FBN2: variants seen among roughly 807,000 people sequenced by gnomAD.
The protein encoded by FBN2 is fibrillin-2.
In FBN2, 105 loss-of-function variants were observed where a neutral mutation model predicts 355.6. The ratio of observed to expected loss-of-function variants is 0.30; its 90% CI spans 0.25 to 0.35. FBN2 has a LOEUF of 0.35. Among genes scored for constraint, FBN2 ranks in the 10% least tolerant of loss-of-function variants. The pLI is 1.00. For synonymous variants in FBN2, 1,350 were observed against 1,301.2 expected (o/e 1.04, Z -0.81); for missense variants, 3,280 against 3,758.7 (o/e 0.87, Z 3.33).
rs3805650 is a variant in FBN2, at chr5:128,410,273, C to T, written c.953-1474G>A. Among the ~76,000 whole-genome samples the T allele has an allele frequency of 3.7e-4, 57 of 152,226 alleles. No individual in the cohort carries two copies. The East Asian group carries it at 0.01, about 27-fold the overall frequency. On this transcript the variant is annotated intron_variant, in intron 7 of 64. Coordinates refer to ENST00000262464, the MANE Select transcript of FBN2 (RefSeq NM_001999.4). The stretch of plus-strand genomic sequence containing the variant: ...TGTGCAAAATTAGGTCCTGTTGCAT[C>T]CTGTGTTGCTATCTTAGTGCAGTGC...
At chr5:128,473,337 A>G (rs115174178) in intron 5 of FBN2, among the ~76,000 whole-genome samples, 67 of 152,322 alleles carry the variant, frequency 4.4e-4, no homozygotes, top group African/African-American at 1.6e-3. Flanking sequence ...TTGAATTTTG[A>G]CAGCAACTCA....
At position 128,263,654 on chromosome 5, in the gene FBN2, C is replaced by T. The variant is rs753526426; in HGVS notation, c.7963G>A (p.Glu2655Lys). The T allele has an allele frequency of 1.1e-5, 17 of 1,608,850 alleles. No individual in the cohort carries two copies. In the African/African-American group the frequency reaches 2.0e-4, roughly 19 times the overall value. ...GCATTGGGATTGGAGCATTCATTCT[C>T]ATCTAGTGAAACGAAGAAAGAAACT... ...QHYQWNQCVD[E>K]NECSNPNACG... Residue 2655 changes from glutamate (E) to lysine (K), a missense_variant and splice_region_variant, in exon 63 of 65, where the codon GAG becomes AAG. Transcript: ENST00000262464.
chr5:128,360,949 A>G (rs1323699790), intron 19 of FBN2, among the ~76,000 whole-genome samples: 1 of 152,188 alleles, frequency 6.6e-6, no homozygotes, highest in African/African-American at 2.4e-5. Flanking sequence ...CTGTAGGCCC[A>G]CACAGTGAGA....
At position 128,349,418 on chromosome 5, in the gene FBN2, T is replaced by C. The variant is rs2126919826; in HGVS notation, c.2918A>G (p.Asn973Ser). Reference sequence around the variant, plus strand: ...CTCGCAATGAAAAGATCCCTTACTGTTGACACAGCGTCCATTTGGACAAAC... The same window carrying C: ...CTCGCAATGAAAAGATCCCTTACTGCTGACACAGCGTCCATTTGGACAAAC... Reference protein sequence around the residue: ...PGVCPNGRCVNSKGSFHCECP... With the variant: ...PGVCPNGRCVSSKGSFHCECP... The change falls in exon 23 of 65, where the codon AAC (asparagine) becomes AGC (serine). Residue 973 changes from asparagine to serine, a missense_variant. Asn to Ser is a conservative substitution (Grantham distance 46, BLOSUM62 1). Around this residue, in one of 6 missense-constraint regions of FBN2, gnomAD observed 2,284 missense variants for 2,749.5 expected, o/e 0.83. Transcript: ENST00000262464. 2 of 1,614,138 alleles carry C rather than the reference T, an allele frequency of 1.2e-6. No homozygotes were observed. The highest frequency in any genetic ancestry group is 1.7e-6 in the Non-Finnish European group (2 of 1,179,982).
intron 14 of FBN2, among the ~76,000 whole-genome samples, chr5:128,375,709 A>G (rs1007178225): frequency 1.3e-5 from 2 of 152,104 alleles, no homozygotes; most frequent in African/African-American, 4.8e-5. Flanking sequence ...TCATTGATGG[A>G]GTTAATTTTG....
At chr5:128,357,518 C>T in intron 19 of FBN2, 123 bp from the exon 20 acceptor site, 1 of 1,142,454 alleles carries the variant, frequency 8.8e-7, no homozygotes. Context: ...TAATATGGAT[C>T]TATGAAGCAT....
chr5:128,531,067 T>C (rs568753601), intron 2 of FBN2, among the ~76,000 whole-genome samples: 57 of 152,232 alleles, frequency 3.7e-4, no homozygotes, highest in South Asian at 1.9e-3. Context: ...TGCATGTTAA[T>C]AGCAGCACAA....
chr5:128,299,168 C>G (rs991656111), intron 48 of FBN2, among the ~76,000 whole-genome samples: 7 of 151,936 alleles, frequency 4.6e-5, no homozygotes, highest in African/African-American at 1.7e-4. Flanking sequence ...CAGGGACCCA[C>G]TTGAGGAGGC....
At chr5:128,298,124 G>A (rs1424027770) in intron 48 of FBN2, among the ~76,000 whole-genome samples, 3 of 151,370 alleles carry the variant, frequency 2.0e-5, no homozygotes, top group Non-Finnish European at 4.4e-5. Context: ...ATGAAATTCT[G>A]GGTTGAAAAT....
intron 11 of FBN2, among the ~76,000 whole-genome samples, chr5:128,381,589 A>T (rs1251086764): frequency 6.6e-6 from 1 of 152,186 alleles, no homozygotes; most frequent in Non-Finnish European, 1.5e-5. Context: ...AAATTGAATT[A>T]GAGTATAGGA....
At chr5:128,529,039 G>A (rs1756640909) in intron 3 of FBN2, among the ~76,000 whole-genome samples, 1 of 152,232 alleles carries the variant, frequency 6.6e-6, no homozygotes, top group Non-Finnish European at 1.5e-5. Flanking sequence ...CAAGGCAGGA[G>A]GAACTGTGTG....
intron 5 of FBN2, among the ~76,000 whole-genome samples, chr5:128,497,287 G>A (rs1755680505): frequency 6.6e-6 from 1 of 152,160 alleles, no homozygotes; most frequent in Admixed American, 6.5e-5. Context: ...CCATGGATGA[G>A]TACACACCAG....
chr5:128,383,480 G>T (rs919615912), intron 11 of FBN2, among the ~76,000 whole-genome samples: 1 of 151,880 alleles, frequency 6.6e-6, no homozygotes, highest in African/African-American at 2.4e-5. Context: ...AAGCTTCGTC[G>T]GAATTAAAAA....
chr5:128,340,614 T>C (rs1057195494), intron 25 of FBN2, among the ~76,000 whole-genome samples: 1 of 152,184 alleles, frequency 6.6e-6, no homozygotes, highest in South Asian at 2.1e-4. Context: ...GTATAAACAG[T>C]GTGGATTCTA....
At chr5:128,421,747 CAG>C (rs1233182078) in intron 7 of FBN2, among the ~76,000 whole-genome samples, 8 of 152,150 alleles carry the variant, frequency 5.3e-5, no homozygotes, top group African/African-American at 1.9e-4. Flanking sequence ...AAAAGGTAAA[CAG>C]AGTCACCAGT....
In FBN2 at chr5:128,537,649, G is replaced by A; in HGVS notation, c.-46C>T. ...GGCCGTAGACCCGCGGAGAGGGAGT[G>A]ATCAAAGACAAAATCTGCGCGCCTC... On this transcript the variant is annotated 5_prime_UTR_variant, in exon 1 of 65. Transcript: ENST00000262464. 2 of 1,576,994 alleles carry A rather than the reference G, an allele frequency of 1.3e-6. No individual in the cohort carries two copies. The highest frequency in any genetic ancestry group is 8.6e-7 in the Non-Finnish European group (1 of 1,156,728).
At chr5:128,335,103 TTGTGTGTGCATGTGGG>T (rs1561776315) in intron 30 of FBN2, 51 bp downstream of exon 30, 7 of 1,600,648 alleles carry the variant, frequency 4.4e-6, no homozygotes, top group South Asian at 1.1e-5. Context: ...TTTATCACGC[TTGTGTGTGCATGTGGG>T]TGTGTGTGCA....
rs112258148 is a variant in FBN2, at chr5:128,377,603, T to C, written c.1849+149A>G. 0.014 allele frequency: 11,611 copies of C among 856,238 alleles called. 132 individuals are homozygous for C. Among genetic ancestry groups the C allele is most frequent in the African/African-American group, 0.041 (2,427 of 59,304 alleles). 53.0% of individuals were successfully genotyped at this position (856,238 alleles called of 1,614,324 possible). A position where few individuals can be genotyped will look rare whatever the true frequency, so the allele number is the denominator to read the frequency against. On this transcript the variant is annotated intron_variant, in intron 13 of 64. Transcript: ENST00000262464. ...AAAACCTGTCCTTTTGCTTTAACAG[T>C]CTTATATTAAATGCATTTGCATTTT...
rs73348287 is a variant in FBN2, at chr5:128,537,421, G to C, written c.183C>G (p.Pro61=). 0.085 allele frequency: 137,029 copies of C among 1,609,328 alleles called. 6,385 individuals are homozygous for C. Among genetic ancestry groups the C allele is most frequent in the African/African-American group, 0.17 (12,653 of 75,000 alleles). The change falls in exon 1 of 65, where the codon CCC becomes CCG. Residue 61 remains proline, a synonymous_variant. Transcript: ENST00000262464. ...CTGCGGCACCCTCCTCGCGATACTC[G>C]GGCGCTAGAAACCCGCCTTCAGAGC... is the stretch of plus-strand genomic sequence containing the variant. ...TAGSEGGFLA[P]EYREEGAAVA... is the part of the protein sequence containing the mutation.
Sources: allele counts gnomAD v4.1 joint callset (sites outside exome capture counted in the v4.1 genomes callset), GRCh38; gene constraint gnomAD v4.1.1; regional missense constraint gnomAD v4.1.1; transcripts MANE v1.5; gene names NCBI Gene and HGNC (gene_info 2026-07-23, HGNC 2026-07-21).